The following NKAIN3 variants were observed in gnomAD, a reference collection of about 807,000 sequenced individuals.
NKAIN3 encodes sodium/potassium transporting ATPase interacting 3, also known as sodium/potassium-transporting ATPase subunit beta-1-interacting protein 3.
A neutral mutation model predicts 30.2 loss-of-function variants in NKAIN3; 25 were observed. The observed-to-expected ratio is 0.83, with a 90% CI of 0.60 to 1.16. The LOEUF is 1.16. Among genes scored for constraint, NKAIN3 ranks in the 50% most tolerant of loss-of-function variants. The pLI, the probability that NKAIN3 is intolerant of heterozygous loss-of-function variation, is 0.00. For synonymous variants in NKAIN3, 91 were observed against 89.6 expected, an observed-to-expected ratio of 1.02 and a Z score of -0.09; for missense variants, 225 against 254.1, an observed-to-expected ratio of 0.89 and a Z score of 0.78.
intron 4 of NKAIN3, among the ~76,000 whole-genome samples, chr8:62,898,592 TA>T (rs1405825858): frequency 6.6e-6 from 1 of 151,990 alleles, no homozygotes; most frequent in African/African-American, 2.4e-5. Context: ...AGGTGATTTT[TA>T]AAAAACTACA....
intron 4 of NKAIN3, among the ~76,000 whole-genome samples, chr8:62,828,857 C>A (rs1819108507): frequency 6.6e-6 from 1 of 152,138 alleles, no homozygotes; most frequent in Admixed American, 6.5e-5. Context: ...AGCTCCCAGC[C>A]AGCAGCTAGG....
chr8:62,934,252 G>A (rs936478054), intron 5 of NKAIN3, among the ~76,000 whole-genome samples: 3 of 151,274 alleles, frequency 2.0e-5, no homozygotes, highest in African/African-American at 4.9e-5. Flanking sequence ...GTAGCAGGGT[G>A]TGCTGGTGCT....
chr8:62,392,053 A>C (rs758110205), intron 1 of NKAIN3, among the ~76,000 whole-genome samples: 2 of 152,044 alleles, frequency 1.3e-5, no homozygotes, highest in Non-Finnish European at 2.9e-5. Context: ...GGAAGTTCTA[A>C]TTAAAGCCCT....
chr8:62,639,959 C>T (rs1159253727), intron 3 of NKAIN3, among the ~76,000 whole-genome samples: 2 of 152,090 alleles, frequency 1.3e-5, no homozygotes, highest in Non-Finnish European at 2.9e-5. Flanking sequence ...GACTTCTAAG[C>T]TTTACCAAAT....
chr8:62,743,898 G>A (rs970224781), intron 3 of NKAIN3, among the ~76,000 whole-genome samples: 1 of 152,250 alleles, frequency 6.6e-6, no homozygotes, highest in Non-Finnish European at 1.5e-5. Flanking sequence ...GACCTTTCTG[G>A]AGTAACAGTC....
At chr8:62,411,873 A>G (rs1804249225) in intron 1 of NKAIN3, among the ~76,000 whole-genome samples, 1 of 152,198 alleles carries the variant, frequency 6.6e-6, no homozygotes, top group Admixed American at 6.5e-5. Context: ...TTCTACAAGG[A>G]GAAGTACAAA....
At chr8:62,419,859 G>A (rs1205763283) in intron 1 of NKAIN3, among the ~76,000 whole-genome samples, 2 of 152,158 alleles carry the variant, frequency 1.3e-5, no homozygotes, top group Admixed American at 6.5e-5. Flanking sequence ...CAACCACAAA[G>A]GCCATCTCGA....
chr8:62,358,145 T>G (rs1397294081), intron 1 of NKAIN3, among the ~76,000 whole-genome samples: 3 of 151,738 alleles, frequency 2.0e-5, no homozygotes, highest in Non-Finnish European at 4.4e-5. Flanking sequence ...GGCATGCATA[T>G]GGAGGAAAGG....
At chr8:62,363,390 G>A (rs1816624355) in intron 1 of NKAIN3, among the ~76,000 whole-genome samples, 1 of 152,066 alleles carries the variant, frequency 6.6e-6, no homozygotes, top group Admixed American at 6.5e-5. Context: ...TCCTGCCTGA[G>A]CCCTTATAGT....
chr8:62,550,219 C>G (rs35029520), intron 1 of NKAIN3, among the ~76,000 whole-genome samples: 17,748 of 152,092 alleles, frequency 0.12, 1,246 homozygotes, highest in African/African-American at 0.19. Flanking sequence ...TATTTTCATG[C>G]CTGCTCCCCT....
chr8:62,565,692 A>T (rs1022185751), intron 1 of NKAIN3, among the ~76,000 whole-genome samples: 2 of 152,174 alleles, frequency 1.3e-5, no homozygotes, highest in African/African-American at 4.8e-5. Flanking sequence ...TATAGATGCT[A>T]CTTCACTTGT....
chr8:62,475,730 T>C (rs1806497842), intron 1 of NKAIN3, among the ~76,000 whole-genome samples: 1 of 152,200 alleles, frequency 6.6e-6, no homozygotes, highest in African/African-American at 2.4e-5. Context: ...CAAAGGCACA[T>C]GTTTATGATG....
intron 1 of NKAIN3, among the ~76,000 whole-genome samples, chr8:62,377,669 T>TGTTCTCATGATAGTGAGTGA (rs1817132812): frequency 6.6e-6 from 1 of 152,120 alleles, no homozygotes; most frequent in Non-Finnish European, 1.5e-5. Flanking sequence ...CCCCCCATGC[T>TGTTCTCATGATAGTGAGTGA]GTTCTCATGA....
At chr8:62,415,039 TTA>T (rs58532853) in intron 1 of NKAIN3, among the ~76,000 whole-genome samples, 91,556 of 140,904 alleles carry the variant, frequency 0.65, 30,955 homozygotes, top group Non-Finnish European at 0.73. Flanking sequence ...ATTAGAAATA[TTA>T]TATATATATA....
intron 1 of NKAIN3, among the ~76,000 whole-genome samples, chr8:62,254,748 T>C (rs1812214009): frequency 6.6e-6 from 1 of 152,226 alleles, no homozygotes; most frequent in Non-Finnish European, 1.5e-5. Flanking sequence ...ACATAAGCAG[T>C]GATTTCCGTG....
intron 1 of NKAIN3, among the ~76,000 whole-genome samples, chr8:62,469,517 G>T (rs939894624): frequency 6.6e-6 from 1 of 152,094 alleles, no homozygotes; most frequent in Non-Finnish European, 1.5e-5. Flanking sequence ...GGCAGAGTGC[G>T]GACACAGAGA....
intron 4 of NKAIN3, among the ~76,000 whole-genome samples, chr8:62,911,411 C>G (rs150322567): frequency 6.6e-6 from 1 of 152,270 alleles, no homozygotes; most frequent in African/African-American, 2.4e-5. Flanking sequence ...GGCTTACGAT[C>G]CAATAAGCAA....
In NKAIN3 at chr8:62,973,061, C is replaced by T. The variant is rs946646934; in HGVS notation, c.*7654C>T. ...GTATATGTGCCACATTTTCTTTATC[C>T]GTTCTAACATTGATGGGCATTTGGG... On this transcript the variant is annotated 3_prime_UTR_variant, in exon 7 of 7. Transcript: ENST00000623646. Among the ~76,000 whole-genome samples, 9 of 152,080 alleles carry T rather than the reference C, an allele frequency of 5.9e-5. No homozygotes were observed. The highest frequency in any genetic ancestry group is 1.7e-4 in the African/African-American group (7 of 41,404).
intron 1 of NKAIN3, among the ~76,000 whole-genome samples, chr8:62,336,521 T>C (rs777593821): frequency 2.0e-5 from 3 of 151,980 alleles, no homozygotes; most frequent in Non-Finnish European, 4.4e-5. Context: ...CTTGAAGTCC[T>C]CTTCTTTCCA....
Sources: gnomAD v4.1 joint callset for allele counts (sites outside exome capture counted in the v4.1 genomes callset) on GRCh38, gnomAD v4.1.1 for gene constraint, MANE v1.5 for transcripts, NCBI Gene and HGNC (gene_info 2026-07-23, HGNC 2026-07-21) for gene names.